Variants in AADAT observed in about 807,000 individuals in gnomAD.
The protein encoded by AADAT is aminoadipate aminotransferase, also known as kynurenine/alpha-aminoadipate aminotransferase, mitochondrial.
In AADAT, 25 loss-of-function variants were observed where a neutral mutation model predicts 56.2. The observed-to-expected ratio is 0.44, with a 90% CI of 0.32 to 0.62. AADAT has a LOEUF of 0.62. AADAT is among the 20% of genes least tolerant of loss of function. The probability of loss-of-function intolerance (pLI) is 0.04; values close to 1 mark genes in which losing one functional copy is unlikely to be tolerated. For missense variants in AADAT, 387 were observed against 510.5 expected, an observed-to-expected ratio of 0.76 and a Z score of 2.33; for synonymous variants, 173 against 164.7, an observed-to-expected ratio of 1.05 and a Z score of -0.39.
intron 11 of AADAT, among the ~76,000 whole-genome samples, chr4:170,064,192 A>G (rs1209450943): frequency 6.6e-6 from 1 of 152,224 alleles, no homozygotes; most frequent in Non-Finnish European, 1.5e-5. Context: ...CAAATATCCT[A>G]CCACGAGTAT....
upstream of AADAT, among the ~76,000 whole-genome samples, chr4:170,092,228 T>C (rs931483287): frequency 6.6e-6 from 1 of 152,260 alleles, no homozygotes; most frequent in African/African-American, 2.4e-5. Flanking sequence ...TTGCAATAAA[T>C]CTTGCTGCTG....
At chr4:170,093,908 A>AT (rs1187030604), upstream of AADAT, among the ~76,000 whole-genome samples, 16 of 152,230 alleles carry the variant, frequency 1.1e-4, no homozygotes, top group Admixed American at 1.0e-3. Flanking sequence ...TCACACAGGC[A>AT]TTTTTAAAAA....
At position 170,069,375 on chromosome 4, in the gene AADAT, T is replaced by C. The variant is rs574580316; in HGVS notation, c.721-145A>G. 1.2e-5 allele frequency: 7 copies of C among 606,312 alleles called. No individual in the cohort carries two copies. The East Asian group carries it at 2.1e-4, about 19-fold the overall frequency. 37.6% of individuals were successfully genotyped at this position (606,312 alleles called of 1,614,324 possible). Reference sequence around the variant, plus strand: ...TTACCTTTATTTCAACCCTTTAACATGGAATAACAAACAAAGATGCAGATT... The same window carrying C: ...TTACCTTTATTTCAACCCTTTAACACGGAATAACAAACAAAGATGCAGATT... On this transcript the variant is annotated intron_variant, in intron 6 of 12. Coordinates refer to ENST00000337664, the MANE Select transcript of AADAT (RefSeq NM_016228.4).
At chr4:170,064,992 T>C (rs1731378168) in intron 10 of AADAT, among the ~76,000 whole-genome samples, 167 bp from the exon 11 acceptor site, 1 of 151,976 alleles carries the variant, frequency 6.6e-6, no homozygotes, top group South Asian at 2.1e-4. Context: ...CCTTCAAAAT[T>C]GATGTTCTGG....
chr4:170,079,847 G>A (rs931764283), intron 3 of AADAT, among the ~76,000 whole-genome samples: 2 of 152,170 alleles, frequency 1.3e-5, no homozygotes, highest in East Asian at 1.9e-4. Flanking sequence ...ATGGACAAAT[G>A]GATTTGGAAG....
chr4:170,092,852 C>T (rs1732908347), upstream of AADAT, among the ~76,000 whole-genome samples: 3 of 152,232 alleles, frequency 2.0e-5, no homozygotes, highest in Admixed American at 2.0e-4. Context: ...ACCTTAAGGC[C>T]TCAGCCTCCA....
rs1272660297 is a variant in AADAT at position 170,069,190 on chromosome 4, C to A, written c.761G>T (p.Arg254Leu). 4 of 1,613,796 alleles carry A rather than the reference C, an allele frequency of 2.5e-6. No homozygotes were observed. Among genetic ancestry groups the A allele is most frequent in the Non-Finnish European group, 3.4e-6 (4 of 1,179,898 alleles). The stretch of plus-strand genomic sequence containing the variant: ...TGAAAAAGAGTCAGCTCTGATGACA[C>A]GTCCATCAACATCCATGGAAAGAAA... ...PTFLSMDVDG[R>L]VIRADSFSKI... The change falls in exon 7 of 13, where the codon CGT (arginine) becomes CTT (leucine). Residue 254 changes from arginine (R) to leucine (L), a missense_variant. By Grantham distance (102) the Arg-to-Leu change is moderately radical. Transcript: ENST00000337664.
intron 11 of AADAT, among the ~76,000 whole-genome samples, chr4:170,063,956 AG>A (rs577123323): frequency 0.061 from 9,192 of 151,664 alleles, 377 homozygotes; most frequent in Non-Finnish European, 0.092. Context: ...ATATAAAAAG[AG>A]GAAAAAAAAA....
At chr4:170,069,668 G>A (rs1006618918) in intron 6 of AADAT, among the ~76,000 whole-genome samples, 4 of 152,150 alleles carry the variant, frequency 2.6e-5, no homozygotes, top group African/African-American at 9.7e-5. Flanking sequence ...AAAGAAAAAT[G>A]ATGAGAATGA....
intron 4 of AADAT, among the ~76,000 whole-genome samples, chr4:170,076,089 TC>T (rs1732021933): frequency 1.3e-5 from 2 of 152,306 alleles, no homozygotes; most frequent in African/African-American, 4.8e-5. Flanking sequence ...CAGTTTTCAA[TC>T]CTTTCTGGGT....
intron 4 of AADAT, among the ~76,000 whole-genome samples, chr4:170,076,296 G>A (rs1268767197): frequency 6.6e-6 from 1 of 152,044 alleles, no homozygotes; most frequent in Non-Finnish European, 1.5e-5. Context: ...GTATCTCACA[G>A]TAGTTTTGAT....
chr4:170,065,861 C>T (rs1731435324), intron 10 of AADAT, among the ~76,000 whole-genome samples: 1 of 151,984 alleles, frequency 6.6e-6, no homozygotes, highest in Admixed American at 6.6e-5. Context: ...TAAGGAATTG[C>T]TATTTTTGGT....
intron 5 of AADAT, among the ~76,000 whole-genome samples, chr4:170,071,495 A>G (rs528571380): frequency 6.6e-6 from 1 of 152,292 alleles, no homozygotes; most frequent in South Asian, 2.1e-4. Flanking sequence ...GATAAGAGAG[A>G]AGGCTTGAGA....
chr4:170,089,808 T>C lies in AADAT; in HGVS notation c.-118A>G, dbSNP rs939590707. On this transcript the variant is annotated 5_prime_UTR_variant, in exon 1 of 13. Transcript: ENST00000337664. ...ACTCTGGCAACGCCACCGCGAGATGTGTCCCCCCGCTGCGTCTGGCTTCCC... is the reference window on the plus strand; with the variant it reads ...ACTCTGGCAACGCCACCGCGAGATGCGTCCCCCCGCTGCGTCTGGCTTCCC... 9.6e-7 allele frequency: 1 copy of C among 1,042,462 alleles called. No individual in the cohort carries two copies. Among genetic ancestry groups the C allele is most frequent in the Non-Finnish European group, 1.4e-6 (1 of 697,230 alleles). The allele number at this position is 1,042,462 out of a possible 1,614,324, so 64.6% of individuals were successfully genotyped here.
chr4:170,075,425 C>T (rs1239246509), intron 4 of AADAT, among the ~76,000 whole-genome samples: 1 of 152,070 alleles, frequency 6.6e-6, no homozygotes, highest in Non-Finnish European at 1.5e-5. Flanking sequence ...ACACCATGCT[C>T]CTGGGCTCAA....
At chr4:170,092,192 G>A (rs1050141828), upstream of AADAT, among the ~76,000 whole-genome samples, 2 of 152,232 alleles carry the variant, frequency 1.3e-5, no homozygotes, top group Admixed American at 6.5e-5. Context: ...CTTTTGCAGC[G>A]TGTGGTGGTT....
intron 4 of AADAT, 80 bp downstream of exon 4, chr4:170,078,427 TAA>T (rs1176143768): frequency 4.0e-6 from 3 of 747,054 alleles, no homozygotes; most frequent in African/African-American, 3.6e-5. Context: ...TTTATTATAA[TAA>T]AGTTATTATA....
chr4:170,072,299 GTATATATA>G lies in AADAT; in HGVS notation c.654+829_654+836del, dbSNP rs36017064. On this transcript the variant is annotated intron_variant, in intron 5 of 12. Coordinates refer to ENST00000337664, the MANE Select transcript of AADAT (RefSeq NM_016228.4). The stretch of plus-strand genomic sequence containing the variant: ...TGTGTGTGTATATATATGTGTGTGT[GTATATATA>G]TATATATATTTAGAGTTGGGGTCTT... Among the ~76,000 whole-genome samples the G allele has an allele frequency of 2.0e-5, 3 of 148,598 alleles. No individual in the cohort carries two copies. The South Asian group carries it at 6.3e-4, about 31-fold the overall frequency.
chr4:170,068,740 A>G, intron 7 of AADAT, 53 bp from the exon 8 acceptor site: 3 of 1,170,098 alleles, frequency 2.6e-6, no homozygotes, highest in Middle Eastern at 2.0e-4. Context: ...CAATTAATAC[A>G]TATCACTTTC....
Sources: allele counts gnomAD v4.1 joint callset (sites outside exome capture counted in the v4.1 genomes callset), GRCh38; gene constraint gnomAD v4.1.1; transcripts MANE v1.5; gene names NCBI Gene and HGNC (gene_info 2026-07-23, HGNC 2026-07-21).